Variants in MYO15A observed in about 807,000 individuals in gnomAD.
The protein encoded by MYO15A is unconventional myosin-XV.
A neutral mutation model predicts 394.6 loss-of-function variants in MYO15A; 308 were observed. The ratio of observed to expected loss-of-function variants is 0.78; its 90% CI spans 0.71 to 0.86. MYO15A has a LOEUF of 0.86. MYO15A is among the 40% of genes least tolerant of loss of function. The probability of loss-of-function intolerance (pLI) is 0.00; values close to 1 mark genes in which losing one functional copy is unlikely to be tolerated. For missense variants in MYO15A, 4,606 were observed against 4,799.1 expected (o/e 0.96, Z 1.19); for synonymous variants, 1,957 against 2,003.8 (o/e 0.98, Z 0.62).
chr17:18,127,834 G>GATATATATATATAT (rs55650584), intron 7 of MYO15A, among the ~76,000 whole-genome samples: 87 of 131,090 alleles, frequency 6.6e-4, no homozygotes, highest in African/African-American at 8.8e-4. Context: ...GAAAAAAAAA[G>GATATATATATATAT]ATATATATAT....
intron 14 of MYO15A, 30 bp from the exon 15 acceptor site, chr17:18,136,533 C>T (rs369280369): frequency 1.4e-5 from 22 of 1,613,850 alleles, no homozygotes; most frequent in African/African-American, 1.1e-4. Context: ...CCACGGTGTC[C>T]TGCTCACACC....
chr17:18,156,883 AG>A, intron 48 of MYO15A, 70 bp from the exon 49 acceptor site: 1 of 1,311,544 alleles, frequency 7.6e-7, no homozygotes, highest in Non-Finnish European at 1.1e-6. Flanking sequence ...TGTGAGGAGC[AG>A]GGGTGGCCCT....
rs1280446619 is a variant in MYO15A at position 18,148,116 on chromosome 17, C to T, written c.6597C>T (p.Gly2199=). ...MQAMGRAQQQ[G]SGAARTLPPT... ...CCATGGGCCGGGCCCAACAGCAGGG[C>T]TCGGGGGCTGCCCGCACCTTACCCC... The change falls in exon 31 of 66, where the codon GGC becomes GGT. Residue 2199 remains glycine, a synonymous_variant. Transcript: ENST00000647165. This position sits in a 1 kb window ranked among gnomAD's most constrained non-coding sequence, Gnocchi z 4.8. 1.2e-6 allele frequency: 2 copies of T among 1,613,892 alleles called. No individual in the cohort carries two copies. Among genetic ancestry groups the T allele is most frequent in the Non-Finnish European group, 8.5e-7 (1 of 1,180,050 alleles).
At chr17:18,126,529 G>A (rs2046045670) in intron 5 of MYO15A, 73 bp downstream of exon 5, 20 of 1,405,286 alleles carry the variant, frequency 1.4e-5, no homozygotes, top group Non-Finnish European at 1.9e-5. Context: ...CCTGGATCCC[G>A]GCTGCACCTG....
chr17:18,170,650 C>T (rs2046926386), intron 62 of MYO15A, among the ~76,000 whole-genome samples: 4 of 151,968 alleles, frequency 2.6e-5, no homozygotes, highest in Non-Finnish European at 5.9e-5. Flanking sequence ...GTAATCTCAA[C>T]GCTAGCCACC....
intron 1 of MYO15A, among the ~76,000 whole-genome samples, 186 bp from the exon 2 acceptor site, chr17:18,118,396 C>G (rs1053534669): frequency 6.6e-6 from 1 of 152,166 alleles, no homozygotes; most frequent in Non-Finnish European, 1.5e-5. Flanking sequence ...TCTGTGAAGC[C>G]GAAGTGACCC....
Position 18,141,009 on chromosome 17 carries a change from A to C in MYO15A, c.5407-10A>C. 3.7e-6 allele frequency: 6 copies of C among 1,613,782 alleles called. No homozygotes were observed. Among genetic ancestry groups the C allele is most frequent in the Non-Finnish European group, 5.1e-6 (6 of 1,180,040 alleles). On this transcript the variant is annotated splice_polypyrimidine_tract_variant and intron_variant, in intron 21 of 65. Coordinates refer to ENST00000647165, the MANE Select transcript of MYO15A (RefSeq NM_016239.4). ...CAATGTGCAGACTCCCTCTCTGGGC[A>C]TCCCTACAGGAGCCAGGTCTCTTTG...
rs794729637 is a variant in MYO15A, at chr17:18,122,105, A to AG, written c.3311dup (p.Glu1105Ter). The AG allele has an allele frequency of 6.2e-7, 1 of 1,612,822 alleles. No individual in the cohort carries two copies. Among genetic ancestry groups the AG allele is most frequent in the South Asian group, 1.1e-5 (1 of 91,080 alleles). On this transcript the variant is annotated frameshift_variant, in exon 2 of 66. Coordinates refer to ENST00000647165, the MANE Select transcript of MYO15A (RefSeq NM_016239.4). LOFTEE classifies it high-confidence loss of function. Reference sequence around the variant, plus strand: ...ATCAGGGCCCCAGAGCCCCTGCCCAAGGGGGGTGAACGGCGCCAGGCAGCC... The same window carrying AG: ...ATCAGGGCCCCAGAGCCCCTGCCCAAGGGGGGGTGAACGGCGCCAGGCAGCC...
At chr17:18,144,662 C>A (rs2046445006) in intron 29 of MYO15A, 70 bp downstream of exon 29, 2 of 1,472,534 alleles carry the variant, frequency 1.4e-6, no homozygotes, top group Non-Finnish European at 1.9e-6. Context: ...ATGAGGCTCC[C>A]AGTCTTCCCA....
chr17:18,167,519 C>T, intron 61 of MYO15A, 71 bp from the exon 62 acceptor site: 1 of 1,596,646 alleles, frequency 6.3e-7, no homozygotes, highest in Non-Finnish European at 8.5e-7. Flanking sequence ...ATGCATGTCC[C>T]CAGGTCCCCT....
In MYO15A at chr17:18,143,912, C is replaced by T. The variant is rs1217721925; in HGVS notation, c.6089C>T (p.Thr2030Ile). The change falls in exon 28 of 66, where the codon ACT (threonine) becomes ATT (isoleucine). Residue 2030 changes from threonine (T) to isoleucine (I), a missense_variant. Physicochemically the swap from Thr to Ile is moderately conservative, Grantham distance 89 (BLOSUM62 -1). This residue lies in a region of MYO15A where 2,776 missense variants were observed against 3,109.3 expected (regional missense o/e 0.89). Coordinates refer to ENST00000647165, the MANE Select transcript of MYO15A (RefSeq NM_016239.4). The part of the protein sequence containing the change: ...AQVPQVAPVR[T>I]PRLQAEPRVT... ...GTGCCTCAGGTGGCCCCTGTGAGGA[C>T]TCCTCGACTCCAGGCTGAGCCCCGT... 1.2e-6 allele frequency: 2 copies of T among 1,601,552 alleles called. No individual in the cohort carries two copies. The highest frequency in any genetic ancestry group is 1.3e-5 in the African/African-American group (1 of 74,926).
intron 4 of MYO15A, 122 bp from the exon 5 acceptor site, chr17:18,126,225 G>T: frequency 1.2e-6 from 1 of 832,126 alleles, no homozygotes; most frequent in South Asian, 1.4e-5. Flanking sequence ...TGGGAATCCC[G>T]AGTCCAGGCA....
At position 18,159,272 on chromosome 17, in the gene MYO15A, C is replaced by T. The variant is rs767910537; in HGVS notation, c.9157-3C>T. 1 of 1,614,194 alleles carries T rather than the reference C, an allele frequency of 6.2e-7. No individual in the cohort carries two copies. Among genetic ancestry groups the T allele is most frequent in the Non-Finnish European group, 8.5e-7 (1 of 1,180,008 alleles). On this transcript the variant is annotated splice_region_variant and splice_polypyrimidine_tract_variant and intron_variant, in intron 53 of 65. Coordinates refer to ENST00000647165, the MANE Select transcript of MYO15A (RefSeq NM_016239.4). ...ATCATGACACAGCCCTCTTCCCCCA[C>T]AGACTCCCCTCCAGGAATCCCTCAT...
chr17:18,130,160 T>C (rs2046126974), intron 7 of MYO15A, among the ~76,000 whole-genome samples: 2 of 152,190 alleles, frequency 1.3e-5, no homozygotes, highest in African/African-American at 4.8e-5. Flanking sequence ...ATTACAGGCG[T>C]GAGCCACCAT....
chr17:18,168,989 T>C lies in MYO15A; in HGVS notation c.10082+1266T>C, dbSNP rs918844733. ...TTAGCCAGAGGTAGTGGCGGGTGCC[T>C]GTAATCCCAGCTACTCAGGAGGCTG... On this transcript the variant is annotated intron_variant, in intron 62 of 65. Coordinates refer to ENST00000647165, the MANE Select transcript of MYO15A (RefSeq NM_016239.4). Among the ~76,000 whole-genome samples the C allele has an allele frequency of 3.4e-5, 5 of 149,122 alleles. No individual in the cohort carries two copies. In the East Asian group the frequency reaches 9.8e-4, roughly 29 times the overall value.
chr17:18,109,426 C>T, intron 1 of MYO15A: 1 of 172,576 alleles, frequency 5.8e-6, no homozygotes, highest in Non-Finnish European at 1.3e-5. Context: ...TCTGTTATGT[C>T]CTGGGCTTTC....
At chr17:18,136,806 A>G (rs1360715911) in intron 15 of MYO15A, 120 bp downstream of exon 15, 33 of 1,366,854 alleles carry the variant, frequency 2.4e-5, no homozygotes, top group Admixed American at 4.1e-5. Flanking sequence ...TCCTCCCTTC[A>G]TGGACCCCTC....
chr17:18,136,430 A>G lies in MYO15A; in HGVS notation c.4610A>G (p.Glu1537Gly), dbSNP rs2046272958. The change falls in exon 14 of 66, where the codon GAG (glutamate) becomes GGG (glycine). Residue 1537 changes from glutamate (E) to glycine (G), a missense_variant. By Grantham distance (98) the Glu-to-Gly change is moderately conservative (BLOSUM62 -2). Around this residue, in one of 2 missense-constraint regions of MYO15A, gnomAD observed 2,776 missense variants for 3,109.3 expected, o/e 0.89. Transcript: ENST00000647165. ...GCCCGTCCCTAGGAGACAATGCGAG[A>G]GAAGATCTTCACGCCCCTAACTGTG... is the stretch of plus-strand genomic sequence containing the variant. ...ITFKVTETMR[E>G]KIFTPLTVES... 1 of 1,613,824 alleles carries G rather than the reference A, an allele frequency of 6.2e-7. No homozygotes were observed. The highest frequency in any genetic ancestry group is 2.2e-5 in the East Asian group (1 of 44,888).
At chr17:18,160,941 CCTG>C (rs2142397950) in intron 56 of MYO15A, 1 of 383,096 alleles carries the variant, frequency 2.6e-6, no homozygotes, top group South Asian at 2.1e-5. Context: ...AGCTTGTCCT[CCTG>C]CTCCTCCCAG....
Sources: gnomAD v4.1 joint callset for allele counts (sites outside exome capture counted in the v4.1 genomes callset) on GRCh38, gnomAD v4.1.1 for gene constraint, gnomAD v4.1.1 regional missense constraint, Gnocchi (gnomAD v3.1) non-coding constraint, MANE v1.5 for transcripts, NCBI Gene and HGNC (gene_info 2026-07-23, HGNC 2026-07-21) for gene names.